Variants in RAB15 observed in about 807,000 individuals in gnomAD.
RAB15 encodes ras-related protein Rab-15.
Under a neutral mutation model 31.8 loss-of-function variants are expected in RAB15, and 13 were observed. The observed-to-expected ratio is 0.41, with a 90% CI of 0.27 to 0.65. The LOEUF (loss-of-function observed/expected upper bound fraction) is 0.65, where lower values mean the gene tolerates loss of function less well. Ranked by LOEUF, RAB15 falls within the 30% of genes least tolerant of loss-of-function variation. The pLI is 0.32. For missense variants in RAB15, 220 were observed against 277.3 expected, an observed-to-expected ratio of 0.79 and a Z score of 1.47; for synonymous variants, 100 against 105.6, an observed-to-expected ratio of 0.95 and a Z score of 0.33.
chr14:64,950,412 G>A lies in RAB15; in HGVS notation c.327C>T (p.Tyr109=), dbSNP rs766813100. The A allele has an allele frequency of 3.2e-5, 52 of 1,613,258 alleles. No individual in the cohort carries two copies. The highest frequency in any genetic ancestry group is 4.4e-5 in the South Asian group (4 of 91,060). The change falls in exon 5 of 7, where the codon TAC becomes TAT. Residue 109 remains tyrosine, a splice_region_variant and synonymous_variant. Transcript: ENST00000533601. The surrounding 1 kb of genome is among the most constrained non-coding windows in gnomAD (Gnocchi z 5.6). The part of the protein sequence containing the change: ...IMKWVSDVDE[Y]APEGVQKILI... The stretch of plus-strand genomic sequence containing the variant: ...GGATCTTCTGGACGCCTTCTGGTGC[G>A]TACTAGGGACAAAGGATGGGCAGAA...
rs145094754 is a variant in RAB15, at chr14:64,970,387, C to T, written c.124+1566G>A. Among the ~76,000 whole-genome samples the T allele has an allele frequency of 2.6e-5, 4 of 152,348 alleles. No individual in the cohort carries two copies. The East Asian group carries it at 7.7e-4, about 29-fold the overall frequency. On this transcript the variant is annotated intron_variant, in intron 1 of 6. Transcript: ENST00000533601. This position sits in a 1 kb window ranked among gnomAD's most constrained non-coding sequence, Gnocchi z 4.1. ...CCCGGCAGGCACAAAGCCTTAGTGT[C>T]TATAGGCTCCCCTTCTTTCTGCAAT...
chr14:64,971,704 G>A lies in RAB15; in HGVS notation c.124+249C>T. 2 of 536,992 alleles carry A rather than the reference G, an allele frequency of 3.7e-6. No individual in the cohort carries two copies. The highest frequency in any genetic ancestry group is 3.3e-6 in the Non-Finnish European group (1 of 298,768). 33.3% of individuals were successfully genotyped at this position (536,992 alleles called of 1,614,324 possible). On this transcript the variant is annotated intron_variant, in intron 1 of 6. Transcript: ENST00000533601. This position sits in a 1 kb window ranked among gnomAD's most constrained non-coding sequence, Gnocchi z 4.1. ...CAGCTCCCCTCACCCCCGGTTTCTC[G>A]GTTTGATGGGACGGAAGGCTTCCCG...
Position 64,951,481 on chromosome 14 carries a change from C to G in RAB15, c.246+122G>C. 4 of 911,890 alleles carry G rather than the reference C, an allele frequency of 4.4e-6. No individual in the cohort carries two copies. Among genetic ancestry groups the G allele is most frequent in the Non-Finnish European group, 7.4e-6 (4 of 540,320 alleles). 56.5% of individuals were successfully genotyped at this position (911,890 alleles called of 1,614,324 possible). Reference sequence around the variant, plus strand: ...GATCAGTGAACAGCTGAAAGACGCCCTGCGCTCCTCCAAGCAGGCGAACTG... The same window carrying G: ...GATCAGTGAACAGCTGAAAGACGCCGTGCGCTCCTCCAAGCAGGCGAACTG... On this transcript the variant is annotated intron_variant, in intron 3 of 6. Transcript: ENST00000533601. The surrounding 1 kb of genome is among the most constrained non-coding windows in gnomAD (Gnocchi z 7.2).
At chr14:64,960,907 C>T (rs1594946621) in intron 1 of RAB15, among the ~76,000 whole-genome samples, 3 of 152,200 alleles carry the variant, frequency 2.0e-5, no homozygotes, top group African/African-American at 7.2e-5. Flanking sequence ...TGGCTACAAC[C>T]TCAATTCTGG....
In RAB15 at chr14:64,951,478, G is replaced by A. The variant is rs758084605; in HGVS notation, c.246+125C>T. The A allele has an allele frequency of 2.6e-5, 23 of 888,962 alleles. No homozygotes were observed. Among genetic ancestry groups the A allele is most frequent in the African/African-American group, 9.8e-5 (6 of 61,242 alleles). The allele number at this position is 888,962 out of a possible 1,614,324, so 55.1% of individuals were successfully genotyped here. ...AATGATCAGTGAACAGCTGAAAGAC[G>A]CCCTGCGCTCCTCCAAGCAGGCGAA... On this transcript the variant is annotated intron_variant, in intron 3 of 6. Coordinates refer to ENST00000533601, the MANE Select transcript of RAB15 (RefSeq NM_001308154.2). This position sits in a 1 kb window ranked among gnomAD's most constrained non-coding sequence, Gnocchi z 7.2.
rs780051047 is a variant in RAB15 at position 64,958,545 on chromosome 14, A to C, written c.125-5974T>G. ...CTAAAGGCATTTTGTTACAGCAGCC[A>C]GCCCTAACTAAGACACCCACCATAG... On this transcript the variant is annotated intron_variant, in intron 1 of 6. Coordinates refer to ENST00000533601, the MANE Select transcript of RAB15 (RefSeq NM_001308154.2). The surrounding 1 kb of genome is among the most constrained non-coding windows in gnomAD (Gnocchi z 4.4). Among the ~76,000 whole-genome samples, 3 of 152,186 alleles carry C rather than the reference A, an allele frequency of 2.0e-5. No homozygotes were observed. The highest frequency in any genetic ancestry group is 4.4e-5 in the Non-Finnish European group (3 of 68,026).
At chr14:64,965,988 C>T (rs1162547597) in intron 1 of RAB15, among the ~76,000 whole-genome samples, 2 of 152,140 alleles carry the variant, frequency 1.3e-5, no homozygotes, top group African/African-American at 4.8e-5. Flanking sequence ...TGAGGCAGAG[C>T]GACACCTAGC....
chr14:64,956,935 ATT>A (rs573399507), intron 1 of RAB15, among the ~76,000 whole-genome samples: 15 of 143,454 alleles, frequency 1.0e-4, no homozygotes, highest in African/African-American at 2.1e-4. Context: ...CCTAGCTTCA[ATT>A]TTTTTTTTTT....
Position 64,971,156 on chromosome 14 carries a change from A to G in RAB15, c.124+797T>C, listed in dbSNP as rs1887395704. 6.6e-6 allele frequency among the ~76,000 whole-genome samples: 1 copy of G among 152,088 alleles called. No homozygotes were observed. The highest frequency in any genetic ancestry group is 1.9e-4 in the East Asian group (1 of 5,184). ...CGGGAGACTGACTGTCTCAGAGGGG[A>G]GGCCATGGACCCATTCCTAGAATAA... On this transcript the variant is annotated intron_variant, in intron 1 of 6. Transcript: ENST00000533601. This position sits in a 1 kb window ranked among gnomAD's most constrained non-coding sequence, Gnocchi z 4.1.
chr14:64,969,643 G>A (rs1050926201), intron 1 of RAB15, among the ~76,000 whole-genome samples: 2 of 152,168 alleles, frequency 1.3e-5, no homozygotes, highest in African/African-American at 4.8e-5. Context: ...TGTCAGAAGC[G>A]GAGGAAGAAA....
chr14:64,960,423 T>G (rs557995910), intron 1 of RAB15, among the ~76,000 whole-genome samples: 86 of 152,186 alleles, frequency 5.7e-4, no homozygotes, highest in Non-Finnish European at 7.8e-4. Flanking sequence ...ATGGAGGAAG[T>G]GTGGCTCAAG....
Sources: allele counts gnomAD v4.1 joint callset (sites outside exome capture counted in the v4.1 genomes callset), GRCh38; gene constraint gnomAD v4.1.1; non-coding constraint Gnocchi (gnomAD v3.1); transcripts MANE v1.5; gene names NCBI Gene and HGNC (gene_info 2026-07-23, HGNC 2026-07-21).